CHD1L: variants seen among roughly 807,000 people sequenced by gnomAD.
CHD1L encodes chromodomain helicase DNA binding protein 1 like.
A neutral mutation model predicts 115.9 loss-of-function variants in CHD1L; 118 were observed. The observed-to-expected ratio is 1.02, with a 90% CI of 0.88 to 1.19. The LOEUF is 1.19. Ranked by LOEUF, CHD1L falls within the 50% of genes most tolerant of loss-of-function variation. The pLI is 0.00. For missense variants in CHD1L, 1,179 were observed against 1,065.3 expected (o/e 1.11, Z -1.49); for synonymous variants, 411 against 387.1 (o/e 1.06, Z -0.72).
Position 147,284,426 on chromosome 1 carries a change from A to C in CHD1L, c.1781A>C (p.Gln594Pro), listed in dbSNP as rs782565499. ...PSKEDRKSFE[Q>P]LVNLQKTLLE... is the part of the protein sequence containing the mutation. ...AAGGAAGACAGAAAATCATTTGAAC[A>C]ACTGGTAAACCTTCAGAAAACCCTT... is the stretch of plus-strand genomic sequence containing the variant. Residue 594 changes from glutamine (Q) to proline (P), a missense_variant, in exon 16 of 23, where the codon CAA becomes CCA. Coordinates refer to ENST00000369258, the MANE Select transcript of CHD1L (RefSeq NM_004284.6). The C allele has an allele frequency of 1.5e-5, 24 of 1,612,500 alleles. No individual in the cohort carries two copies. The highest frequency in any genetic ancestry group is 1.9e-5 in the Non-Finnish European group (22 of 1,179,296).
the CHD1L span, among the ~76,000 whole-genome samples, chr1:147,198,162 A>G: frequency 6.6e-6 from 1 of 152,212 alleles, no homozygotes; most frequent in Admixed American, 6.5e-5. Context: ...ATAACTGGAA[A>G]TTGGCTAAGG....
chr1:147,215,704 T>C, the CHD1L span: 6 of 1,362,070 alleles, frequency 4.4e-6, no homozygotes, highest in Non-Finnish European at 6.1e-6. Flanking sequence ...ACGTTATTCA[T>C]TTACTTGGCA....
At chr1:147,242,551 C>A, upstream of CHD1L, 1 of 791,938 alleles carries the variant, frequency 1.3e-6, no homozygotes, top group Non-Finnish European at 1.7e-6. Flanking sequence ...GGTGACTGCA[C>A]CAGCTCCGCT....
At chr1:147,185,044 C>G in the CHD1L span, among the ~76,000 whole-genome samples, 1 of 151,824 alleles carries the variant, frequency 6.6e-6, no homozygotes, top group Non-Finnish European at 1.5e-5. Flanking sequence ...AATATAAGAA[C>G]AAGATATGGT....
chr1:147,282,811 A>G (rs1390991348), intron 15 of CHD1L, among the ~76,000 whole-genome samples: 2 of 152,186 alleles, frequency 1.3e-5, no homozygotes, highest in Non-Finnish European at 2.9e-5. Flanking sequence ...AGTCAATCCA[A>G]CTGCCTAAAA....
chr1:147,285,172 C>A, intron 16 of CHD1L, 152 bp from the exon 17 acceptor site: 1 of 833,190 alleles, frequency 1.2e-6, no homozygotes, highest in Non-Finnish European at 1.9e-6. Flanking sequence ...CCTCCAAGTG[C>A]TTTGCCTCCA....
At chr1:147,254,461 AGAGGGCCACCATGC>A (rs1299758872) in intron 2 of CHD1L, among the ~76,000 whole-genome samples, 1 of 152,206 alleles carries the variant, frequency 6.6e-6, no homozygotes, top group Admixed American at 6.5e-5. Context: ...GGCAGGCAGC[AGAGGGCCACCATGC>A]GATTGGCCGT....
the CHD1L span, among the ~76,000 whole-genome samples, chr1:147,181,435 T>C: frequency 6.6e-6 from 1 of 152,164 alleles, no homozygotes; most frequent in South Asian, 2.1e-4. Flanking sequence ...AGTGAAGATA[T>C]GTGAAAGTCT....
At chr1:147,281,647 G>T (rs1206931981) in intron 15 of CHD1L, among the ~76,000 whole-genome samples, 2 of 151,950 alleles carry the variant, frequency 1.3e-5, no homozygotes, top group African/African-American at 4.8e-5. Context: ...TGTTTTAATT[G>T]TAACTCTGTT....
chr1:147,263,110 T>C, intron 6 of CHD1L, among the ~76,000 whole-genome samples: 1 of 152,224 alleles, frequency 6.6e-6, no homozygotes, highest in Non-Finnish European at 1.5e-5. Flanking sequence ...CATATGTATA[T>C]ATACGTTTAC....
the CHD1L span, among the ~76,000 whole-genome samples, chr1:147,224,711 C>T: frequency 1.3e-5 from 2 of 151,996 alleles, no homozygotes; most frequent in Non-Finnish European, 1.5e-5. Context: ...GAGGTTTCAC[C>T]GTGTTAGCCA....
the CHD1L span, among the ~76,000 whole-genome samples, chr1:147,234,569 G>A: frequency 2.0e-5 from 3 of 152,220 alleles, no homozygotes; most frequent in Non-Finnish European, 4.4e-5. Context: ...TGTAGTTGGA[G>A]TTCAAGTATT....
At chr1:147,207,117 G>A in the CHD1L span, among the ~76,000 whole-genome samples, 7 of 151,992 alleles carry the variant, frequency 4.6e-5, no homozygotes, top group African/African-American at 1.7e-4. Context: ...AATTTCCCAC[G>A]TGTGATAATT....
the CHD1L span, chr1:147,203,648 GTC>G: frequency 7.3e-6 from 10 of 1,366,550 alleles, no homozygotes; most frequent in Non-Finnish European, 1.0e-5. Flanking sequence ...TCCAGGACAT[GTC>G]TCTCCATATG....
At chr1:147,209,071 G>C in the CHD1L span, 2 of 1,603,472 alleles carry the variant, frequency 1.2e-6, no homozygotes, top group Non-Finnish European at 1.7e-6. Context: ...GGAAGAAATT[G>C]TTTGCTTTTG....
chr1:147,242,570 C>A, upstream of CHD1L: 1 of 947,510 alleles, frequency 1.1e-6, no homozygotes, highest in Non-Finnish European at 1.4e-6. Context: ...CTCCGGATAT[C>A]TTGGCAGGAC....
intron 10 of CHD1L, 54 bp from the exon 11 acceptor site, chr1:147,270,878 T>C (rs1675898480): frequency 1.3e-6 from 2 of 1,499,932 alleles, no homozygotes; most frequent in Non-Finnish European, 1.9e-6. Flanking sequence ...CTGAGGGAAA[T>C]TGACCTTAAA....
rs587671889 is a variant in CHD1L at position 147,285,199 on chromosome 1, G to C, written c.1855-125G>C. ...TTGCCTCCAGTTCCCACCATGCAGGGTGTGTGGAGATGCAGTGTTCTGTGG... is the reference window on the plus strand; with the variant it reads ...TTGCCTCCAGTTCCCACCATGCAGGCTGTGTGGAGATGCAGTGTTCTGTGG... On this transcript the variant is annotated intron_variant, in intron 16 of 22. Coordinates refer to ENST00000369258, the MANE Select transcript of CHD1L (RefSeq NM_004284.6). The C allele has an allele frequency of 3.7e-6, 4 of 1,071,674 alleles. No homozygotes were observed. The African/African-American group carries it at 6.4e-5, about 17-fold the overall frequency. 66.4% of individuals were successfully genotyped at this position (1,071,674 alleles called of 1,614,324 possible).
intron 13 of CHD1L, 86 bp from the exon 14 acceptor site, chr1:147,276,018 T>TTGCTTTTAGATGTATTTACCTTGCA: frequency 7.4e-7 from 1 of 1,355,776 alleles, no homozygotes; most frequent in Admixed American, 2.0e-5. Flanking sequence ...TTGGTTTTGT[T>TTGCTTTTAGATGTATTTACCTTGCA]TGCTTTTAGA....
Sources: allele counts gnomAD v4.1 joint callset (sites outside exome capture counted in the v4.1 genomes callset), GRCh38; gene constraint gnomAD v4.1.1; transcripts MANE v1.5; gene names NCBI Gene and HGNC (gene_info 2026-07-23, HGNC 2026-07-21).